Variants in RAP1GAP2 observed in about 807,000 individuals in gnomAD.
RAP1GAP2 encodes rap1 GTPase-activating protein 2.
In RAP1GAP2, 27 loss-of-function variants were observed where a neutral mutation model predicts 95.0. That is an observed-to-expected ratio of 0.28 (90% CI 0.21 to 0.39). The LOEUF is 0.39. RAP1GAP2 is among the 10% of genes least tolerant of loss of function. The pLI is 1.00. For missense variants in RAP1GAP2, 771 were observed against 970.0 expected (o/e 0.79, Z 2.72); for synonymous variants, 373 against 380.9 (o/e 0.98, Z 0.24).
intron 2 of RAP1GAP2, among the ~76,000 whole-genome samples, chr17:2,877,365 G>A (rs1255908236): frequency 2.6e-5 from 4 of 152,214 alleles, no homozygotes; most frequent in African/African-American, 9.6e-5. Flanking sequence ...CTGCGGCCAT[G>A]TTTTTCCCCT....
At position 2,976,647 on chromosome 17, in the gene RAP1GAP2, T is replaced by C. The variant is rs996448788; in HGVS notation, c.597-3640T>C. Among the ~76,000 whole-genome samples, 3 of 151,486 alleles carry C rather than the reference T, an allele frequency of 2.0e-5. No individual in the cohort carries two copies. In the East Asian group the frequency reaches 5.8e-4, roughly 29 times the overall value. On this transcript the variant is annotated intron_variant, in intron 8 of 24. Transcript: ENST00000254695. ...GGTCAGGAAGCTGGAAAAAGAGTAGTTGAAAAAACTCTGAAGAAAATAGAA... is the reference window on the plus strand; with the variant it reads ...GGTCAGGAAGCTGGAAAAAGAGTAGCTGAAAAAACTCTGAAGAAAATAGAA...
intron 17 of RAP1GAP2, among the ~76,000 whole-genome samples, chr17:3,014,124 G>A (rs2046669701): frequency 6.7e-6 from 1 of 148,986 alleles, no homozygotes; most frequent in Non-Finnish European, 1.5e-5. Flanking sequence ...GACACACGTC[G>A]GCTATAGAGC....
At chr17:2,879,100 C>T (rs775210050) in intron 2 of RAP1GAP2, among the ~76,000 whole-genome samples, 1 of 140,928 alleles carries the variant, frequency 7.1e-6, no homozygotes, top group Non-Finnish European at 1.5e-5. Context: ...CTGGCTTGGC[C>T]CCACCTCCAA....
intron 11 of RAP1GAP2, among the ~76,000 whole-genome samples, chr17:2,991,092 G>A (rs112727915): frequency 1.3e-5 from 2 of 151,920 alleles, no homozygotes; most frequent in Non-Finnish European, 2.9e-5. Flanking sequence ...TGATCCACCC[G>A]CCTCAGCCTC....
chr17:2,964,014 C>T lies in RAP1GAP2; in HGVS notation c.438C>T (p.Tyr146=), dbSNP rs779881056. ...ACCTCAGCCCCAACACATTTGGCTA[C>T]AAGCTCGAGTGCAAGGGTGAAGCCA... ...EDNLSPNTFG[Y]KLECKGEARA... The change falls in exon 7 of 25, where the codon TAC becomes TAT. Residue 146 remains tyrosine (Y), a synonymous_variant. Coordinates refer to ENST00000254695, the MANE Select transcript of RAP1GAP2 (RefSeq NM_015085.5). 2 of 1,612,338 alleles carry T rather than the reference C, an allele frequency of 1.2e-6. No homozygotes were observed. The highest frequency in any genetic ancestry group is 1.1e-5 in the South Asian group (1 of 91,012).
intron 3 of RAP1GAP2, among the ~76,000 whole-genome samples, chr17:2,916,941 G>A (rs2042591307): frequency 6.6e-6 from 1 of 152,208 alleles, no homozygotes; most frequent in African/African-American, 2.4e-5. Flanking sequence ...TTGCTAATAG[G>A]GTGCGAGCCA....
At chr17:2,967,962 G>A (rs550411190) in intron 8 of RAP1GAP2, among the ~76,000 whole-genome samples, 3 of 152,314 alleles carry the variant, frequency 2.0e-5, no homozygotes, top group Admixed American at 6.5e-5. Flanking sequence ...CAATGAGCCT[G>A]TGTAGATTTC....
intron 3 of RAP1GAP2, among the ~76,000 whole-genome samples, chr17:2,922,365 C>T (rs2042808411): frequency 6.6e-6 from 1 of 152,222 alleles, no homozygotes; most frequent in African/African-American, 2.4e-5. Context: ...ATTCAGACTG[C>T]AGCATGGGTA....
Position 2,962,972 on chromosome 17 carries a change from T to TCATTAAAGAA in RAP1GAP2, c.246+258_246+259insCATTAAAGAA. Reference sequence around the variant, plus strand: ...TCGGTGGGACCTCAGGCTTGGCCGTTTGGCCCGGCTCTTCCCTACCCTGTG... The same window carrying TCATTAAAGAA: ...TCGGTGGGACCTCAGGCTTGGCCGTTCATTAAAGAATGGCCCGGCTCTTCCCTACCCTGTG... On this transcript the variant is annotated intron_variant, in intron 5 of 24. Transcript: ENST00000254695. 7.6e-6 allele frequency: 4 copies of TCATTAAAGAA among 523,484 alleles called. No homozygotes were observed. The South Asian group carries it at 8.3e-5, about 11-fold the overall frequency. The allele number at this position is 523,484 out of a possible 1,614,324, so 32.4% of individuals were successfully genotyped here.
At chr17:2,801,132 G>A (rs1186038486) in intron 2 of RAP1GAP2, among the ~76,000 whole-genome samples, 2 of 151,388 alleles carry the variant, frequency 1.3e-5, no homozygotes, top group Non-Finnish European at 2.9e-5. Context: ...ATAGGCGTGA[G>A]CCACTGCGCC....
chr17:2,974,676 A>G (rs1177464436), intron 8 of RAP1GAP2, among the ~76,000 whole-genome samples: 1 of 152,194 alleles, frequency 6.6e-6, no homozygotes, highest in Non-Finnish European at 1.5e-5. Flanking sequence ...GAAGGAAAAA[A>G]TGTTCAGTGG....
At chr17:3,024,413 G>A (rs1430704596) in intron 19 of RAP1GAP2, among the ~76,000 whole-genome samples, 3 of 152,188 alleles carry the variant, frequency 2.0e-5, no homozygotes, top group African/African-American at 7.2e-5. Context: ...GAGAGGATAT[G>A]GAGAAATGGA....
In RAP1GAP2 at chr17:2,797,350, C is replaced by T. The variant is rs1250782738; in HGVS notation, c.44+779C>T. ...CGGCGGGGGGCAGAAGGTAGGCACA[C>T]GAAGGCCAAAGGCTTGTCTCTGGTT... On this transcript the variant is annotated intron_variant, in intron 1 of 24. Transcript: ENST00000254695. The surrounding 1 kb of genome is among the most constrained non-coding windows in gnomAD (Gnocchi z 5.6). Among the ~76,000 whole-genome samples the T allele has an allele frequency of 6.6e-6, 1 of 152,288 alleles. No homozygotes were observed. The highest frequency in any genetic ancestry group is 2.4e-5 in the African/African-American group (1 of 41,556).
intron 3 of RAP1GAP2, among the ~76,000 whole-genome samples, chr17:2,948,897 G>T (rs1267975465): frequency 1.3e-5 from 2 of 152,182 alleles, no homozygotes; most frequent in Admixed American, 6.5e-5. Flanking sequence ...TGCCGCCTGG[G>T]CAGTGGGCTG....
intron 2 of RAP1GAP2, among the ~76,000 whole-genome samples, chr17:2,837,256 A>G (rs2071172767): frequency 9.2e-6 from 1 of 108,178 alleles, no homozygotes. Context: ...GTCTCTGGAA[A>G]AAAAAAAAAA....
intron 10 of RAP1GAP2, among the ~76,000 whole-genome samples, chr17:2,981,502 T>C (rs775881030): frequency 6.6e-6 from 1 of 152,118 alleles, no homozygotes; most frequent in Non-Finnish European, 1.5e-5. Flanking sequence ...AGGGTAGCAG[T>C]GTTGTAGCTT....
intron 3 of RAP1GAP2, among the ~76,000 whole-genome samples, chr17:2,928,590 A>G (rs1476838637): frequency 6.6e-6 from 1 of 152,186 alleles, no homozygotes; most frequent in Non-Finnish European, 1.5e-5. Flanking sequence ...CCCCCAGGTC[A>G]GATAGCGTTG....
At chr17:2,949,857 C>T (rs1038534141) in intron 3 of RAP1GAP2, among the ~76,000 whole-genome samples, 19 of 152,178 alleles carry the variant, frequency 1.2e-4, no homozygotes, top group Admixed American at 7.2e-4. Context: ...TGCAGCAAGT[C>T]GCTGAGAAGT....
chr17:2,814,204 C>G (rs1008856026), intron 2 of RAP1GAP2, among the ~76,000 whole-genome samples: 1 of 152,132 alleles, frequency 6.6e-6, no homozygotes, highest in African/African-American at 2.4e-5. Context: ...TAAATCCTGA[C>G]TCTACCAGCT....
Sources: gnomAD v4.1 joint callset for allele counts (sites outside exome capture counted in the v4.1 genomes callset) on GRCh38, gnomAD v4.1.1 for gene constraint, Gnocchi (gnomAD v3.1) non-coding constraint, MANE v1.5 for transcripts, NCBI Gene and HGNC (gene_info 2026-07-23, HGNC 2026-07-21) for gene names.